CPNE8: variants seen among roughly 807,000 people sequenced by gnomAD.
The protein encoded by CPNE8 is copine-8.
A neutral mutation model predicts 81.5 loss-of-function variants in CPNE8; 45 were observed. The observed-to-expected ratio is 0.55, with a 90% CI of 0.44 to 0.71. CPNE8 has a LOEUF of 0.71. CPNE8 is among the 30% of genes least tolerant of loss of function. The probability of loss-of-function intolerance (pLI) is 0.00; values close to 1 mark genes in which losing one functional copy is unlikely to be tolerated. For synonymous variants in CPNE8, 252 were observed against 226.3 expected, an observed-to-expected ratio of 1.11 and a Z score of -1.02; for missense variants, 594 against 672.1, an observed-to-expected ratio of 0.88 and a Z score of 1.28.
intron 13 of CPNE8, among the ~76,000 whole-genome samples, chr12:38,722,224 T>C (rs1430681421): frequency 6.6e-6 from 1 of 152,202 alleles, no homozygotes; most frequent in African/African-American, 2.4e-5. Flanking sequence ...TTTTCCTATC[T>C]TCTGAAAATA....
Position 38,693,677 on chromosome 12 carries a change from T to C in CPNE8, c.1123A>G (p.Ile375Val). 6.2e-7 allele frequency: 1 copy of C among 1,609,856 alleles called. No individual in the cohort carries two copies. The highest frequency in any genetic ancestry group is 8.5e-7 in the Non-Finnish European group (1 of 1,178,650). ...FGAKLPPDGR[I>V]SHEFALNGNP... ...CTTACCAAAGCAAATTCGTGAGATA[T>C]CCTTCCATCTGGAGGCAGTTTTGCA... is the stretch of plus-strand genomic sequence containing the variant. Residue 375 changes from isoleucine to valine, a missense_variant, in exon 15 of 20, where the codon ATA becomes GTA. Ile to Val is a conservative substitution (Grantham distance 29). Transcript: ENST00000331366.
intron 1 of CPNE8, among the ~76,000 whole-genome samples, chr12:38,884,384 G>A (rs768709258): frequency 4.6e-5 from 7 of 152,130 alleles, no homozygotes; most frequent in Admixed American, 6.5e-5. Context: ...ACTTCATTCC[G>A]TTTTATTGCC....
intron 4 of CPNE8, 70 bp from the exon 5 acceptor site, chr12:38,840,025 C>T: frequency 7.3e-7 from 1 of 1,366,740 alleles, no homozygotes; most frequent in Non-Finnish European, 9.9e-7. Flanking sequence ...CAGTATTTTC[C>T]AAAACACATA....
At chr12:38,769,054 T>C (rs952667627) in intron 7 of CPNE8, among the ~76,000 whole-genome samples, 2 of 152,198 alleles carry the variant, frequency 1.3e-5, no homozygotes, top group Non-Finnish European at 2.9e-5. Flanking sequence ...CAAAACATGA[T>C]GCTACCTTTA....
chr12:38,653,630 A>G lies in CPNE8; in HGVS notation c.*252T>C. Reference sequence around the variant, plus strand: ...AGCTGTTTCTGTTAAAAAAAAAAAGAAAGAAAGATTTAGAGAAGACATCCA... The same window carrying G: ...AGCTGTTTCTGTTAAAAAAAAAAAGGAAGAAAGATTTAGAGAAGACATCCA... On this transcript the variant is annotated 3_prime_UTR_variant, in exon 20 of 20. Coordinates refer to ENST00000331366, the MANE Select transcript of CPNE8 (RefSeq NM_153634.3). The G allele has an allele frequency of 3.2e-6, 1 of 313,702 alleles. No individual in the cohort carries two copies. Among genetic ancestry groups the G allele is most frequent in the Non-Finnish European group, 5.8e-6 (1 of 170,972 alleles). The allele number at this position is 313,702 out of a possible 1,614,324, so 19.4% of individuals were successfully genotyped here. A position where few individuals can be genotyped will look rare whatever the true frequency, so the allele number is the denominator to read the frequency against.
intron 6 of CPNE8, among the ~76,000 whole-genome samples, chr12:38,826,074 C>T (rs1943185623): frequency 6.6e-6 from 1 of 152,132 alleles, no homozygotes. Context: ...TAGTCCATCT[C>T]TTTGCTACAC....
chr12:38,676,214 TTG>T (rs1939286004), intron 17 of CPNE8: 2 of 680,890 alleles, frequency 2.9e-6, no homozygotes, highest in African/African-American at 3.9e-5. Context: ...TTAAAATAAT[TTG>T]TGAGCATATT....
chr12:38,673,978 C>A (rs1444102790), intron 18 of CPNE8, among the ~76,000 whole-genome samples: 1 of 151,738 alleles, frequency 6.6e-6, no homozygotes, highest in Non-Finnish European at 1.5e-5. Flanking sequence ...ACAGGTTAAC[C>A]CAAGTTCTCA....
At chr12:38,705,787 G>C (rs996248341) in intron 13 of CPNE8, among the ~76,000 whole-genome samples, 6 of 152,004 alleles carry the variant, frequency 3.9e-5, no homozygotes, top group Non-Finnish European at 1.5e-5. Flanking sequence ...AACCCAGTTG[G>C]TGACCTTAGC....
Position 38,682,135 on chromosome 12 carries a change from G to T in CPNE8, c.1271+3355C>A, listed in dbSNP as rs140162459. On this transcript the variant is annotated intron_variant, in intron 16 of 19. Coordinates refer to ENST00000331366, the MANE Select transcript of CPNE8 (RefSeq NM_153634.3). ...CTCGGGAGGCTGAGGCACAAGAATT[G>T]CTTGAACCTGGGAGGTGGAGTTTGC... Among the ~76,000 whole-genome samples, 47 of 152,292 alleles carry T rather than the reference G, an allele frequency of 3.1e-4. No homozygotes were observed. In the East Asian group the frequency reaches 8.1e-3, roughly 26 times the overall value.
At chr12:38,781,817 T>C (rs1942058596) in intron 6 of CPNE8, among the ~76,000 whole-genome samples, 1 of 152,074 alleles carries the variant, frequency 6.6e-6, no homozygotes, top group Non-Finnish European at 1.5e-5. Context: ...CCCAAATCCT[T>C]AACTCCAATC....
At chr12:38,682,950 G>C (rs971477256) in intron 16 of CPNE8, among the ~76,000 whole-genome samples, 38 of 152,100 alleles carry the variant, frequency 2.5e-4, no homozygotes, top group African/African-American at 6.5e-4. Flanking sequence ...TACATCATTT[G>C]AAATGCTGTT....
chr12:38,671,053 A>G lies in CPNE8; in HGVS notation c.1433-251T>C, dbSNP rs1257151042. 3.7e-5 allele frequency: 14 copies of G among 382,306 alleles called. No individual in the cohort carries two copies. In the Admixed American group the frequency reaches 4.7e-4, roughly 13 times the overall value. 23.7% of individuals were successfully genotyped at this position (382,306 alleles called of 1,614,324 possible). Reference sequence around the variant, plus strand: ...GTGAGCAGAGCCAGTCTCTGGGTCTATCTCTTTGTAGACCCTGTGAAACTG... The same window carrying G: ...GTGAGCAGAGCCAGTCTCTGGGTCTGTCTCTTTGTAGACCCTGTGAAACTG... On this transcript the variant is annotated intron_variant, in intron 18 of 19. Transcript: ENST00000331366.
At chr12:38,789,186 A>G (rs146145747) in intron 6 of CPNE8, among the ~76,000 whole-genome samples, 1 of 152,118 alleles carries the variant, frequency 6.6e-6, no homozygotes, top group Non-Finnish European at 1.5e-5. Context: ...AAATTACATT[A>G]CCTGACTTTG....
intron 8 of CPNE8, among the ~76,000 whole-genome samples, chr12:38,766,756 A>T (rs1404153886): frequency 6.6e-6 from 1 of 151,968 alleles, no homozygotes; most frequent in Non-Finnish European, 1.5e-5. Flanking sequence ...TATATTACAC[A>T]TAGTTAAAAA....
intron 6 of CPNE8, among the ~76,000 whole-genome samples, chr12:38,787,809 T>A (rs1307705966): frequency 6.6e-6 from 1 of 151,568 alleles, no homozygotes. Flanking sequence ...GCAGCTAACA[T>A]AAGCACCTAT....
intron 19 of CPNE8, among the ~76,000 whole-genome samples, chr12:38,658,944 C>T (rs1434494037): frequency 6.6e-6 from 1 of 152,208 alleles, no homozygotes; most frequent in East Asian, 1.9e-4. Context: ...ACTGCAAAAA[C>T]ATGCCAAAGT....
chr12:38,835,160 C>A (rs1943359700), intron 5 of CPNE8, among the ~76,000 whole-genome samples: 1 of 152,160 alleles, frequency 6.6e-6, no homozygotes, highest in Non-Finnish European at 1.5e-5. Flanking sequence ...GCTGGGATTA[C>A]AAGCATGAGC....
intron 6 of CPNE8, among the ~76,000 whole-genome samples, chr12:38,786,519 G>A (rs761727591): frequency 1.6e-4 from 24 of 152,076 alleles, no homozygotes; most frequent in Non-Finnish European, 2.8e-4. Context: ...CTTCAGTTTT[G>A]GAACTTGGAC....
Sources: gnomAD v4.1 joint callset for allele counts (sites outside exome capture counted in the v4.1 genomes callset) on GRCh38, gnomAD v4.1.1 for gene constraint, MANE v1.5 for transcripts, NCBI Gene and HGNC (gene_info 2026-07-23, HGNC 2026-07-21) for gene names.